Variants in ST3GAL3 observed in about 807,000 individuals in gnomAD.
ST3GAL3 encodes CMP-N-acetylneuraminate-beta-1,4-galactoside alpha-2,3-sialyltransferase.
In ST3GAL3, 21 loss-of-function variants were observed where a neutral mutation model predicts 50.1. That is an observed-to-expected ratio of 0.42 (90% CI 0.30 to 0.60). The LOEUF (loss-of-function observed/expected upper bound fraction) is 0.60. Among genes scored for constraint, ST3GAL3 ranks in the 20% least tolerant of loss-of-function variants. The pLI, the probability that ST3GAL3 is intolerant of heterozygous loss-of-function variation, is 0.19. For synonymous variants in ST3GAL3, 183 were observed against 190.0 expected (o/e 0.96, Z 0.30); for missense variants, 353 against 489.4 (o/e 0.72, Z 2.63).
At chr1:43,823,249 GCTCCCCATTT>G (rs2062337761) in intron 4 of ST3GAL3, among the ~76,000 whole-genome samples, 1 of 151,820 alleles carries the variant, frequency 6.6e-6, no homozygotes, top group African/African-American at 2.4e-5. Flanking sequence ...CTCCCCAATG[GCTCCCCATTT>G]CTTGTAGAAT....
chr1:43,872,344 C>T (rs573825986), intron 5 of ST3GAL3, among the ~76,000 whole-genome samples: 11 of 95,564 alleles, frequency 1.2e-4, no homozygotes, highest in African/African-American at 3.0e-4. Context: ...AGGGTGTGAG[C>T]GAGACGGGGT....
At chr1:43,892,350 C>T (rs756666871) in intron 5 of ST3GAL3, among the ~76,000 whole-genome samples, 25 of 152,172 alleles carry the variant, frequency 1.6e-4, no homozygotes, top group African/African-American at 5.5e-4. Flanking sequence ...CTCAACCCCC[C>T]GAGCTCAAGT....
chr1:43,790,780 C>G (rs1006457804), intron 2 of ST3GAL3, among the ~76,000 whole-genome samples: 3 of 151,598 alleles, frequency 2.0e-5, no homozygotes, highest in Non-Finnish European at 2.9e-5. Flanking sequence ...TACAGGCACG[C>G]GTACCACGCC....
intron 5 of ST3GAL3, among the ~76,000 whole-genome samples, chr1:43,861,885 G>A (rs192634744): frequency 3.3e-5 from 5 of 152,230 alleles, no homozygotes; most frequent in South Asian, 2.1e-4. Flanking sequence ...AAAATTAGCC[G>A]GGCGTGTTGG....
chr1:43,731,479 G>A (rs1354461484), intron 1 of ST3GAL3, among the ~76,000 whole-genome samples: 3 of 150,346 alleles, frequency 2.0e-5, no homozygotes, highest in Non-Finnish European at 4.4e-5. Flanking sequence ...CCACCTCCCG[G>A]GTTCACGCCA....
At chr1:43,789,901 T>A (rs1361971290) in intron 2 of ST3GAL3, among the ~76,000 whole-genome samples, 3 of 151,624 alleles carry the variant, frequency 2.0e-5, no homozygotes, top group African/African-American at 7.3e-5. Context: ...GTAGAATTTA[T>A]AAGAGTTAGA....
At chr1:43,906,405 A>C (rs1247277891) in intron 9 of ST3GAL3, among the ~76,000 whole-genome samples, 454 of 39,014 alleles carry the variant, frequency 0.012, no homozygotes, top group Admixed American at 0.022. Flanking sequence ...CTTTTCTTCC[A>C]CCTCCTCCTG....
chr1:43,748,151 A>G lies in ST3GAL3; in HGVS notation c.118+11771A>G, dbSNP rs75426648. Among the ~76,000 whole-genome samples the G allele has an allele frequency of 5.3e-3, 806 of 152,280 alleles. 16 individuals are homozygous for G. The highest frequency in any genetic ancestry group is 0.018 in the African/African-American group (749 of 41,544). On this transcript the variant is annotated intron_variant, in intron 2 of 11. Transcript: ENST00000347631. ...AAATATATATTTCTTACTATATAAC[A>G]ATATCACACAATATATAAAACTCAG...
chr1:43,726,310 A>G (rs2154078351), intron 1 of ST3GAL3, among the ~76,000 whole-genome samples: 1 of 152,290 alleles, frequency 6.6e-6, no homozygotes, highest in South Asian at 2.1e-4. Flanking sequence ...TATAAGAGAT[A>G]GGGTCTTGCT....
chr1:43,883,011 G>C (rs2075407507), intron 5 of ST3GAL3, among the ~76,000 whole-genome samples: 2 of 151,122 alleles, frequency 1.3e-5, no homozygotes, highest in Admixed American at 6.6e-5. Context: ...GCCCAGGCTG[G>C]AGTGCAGTGG....
chr1:43,875,566 TC>T (rs2073897718), intron 5 of ST3GAL3, among the ~76,000 whole-genome samples: 2 of 152,118 alleles, frequency 1.3e-5, no homozygotes, highest in South Asian at 2.1e-4. Flanking sequence ...ATGGGGGGTT[TC>T]CCCCATGCTG....
chr1:43,742,933 A>G (rs1022264910), intron 2 of ST3GAL3, among the ~76,000 whole-genome samples: 1 of 152,124 alleles, frequency 6.6e-6, no homozygotes, highest in Non-Finnish European at 1.5e-5. Flanking sequence ...CCCTGTCTCT[A>G]CTAAAAATAC....
At chr1:43,709,549 A>C (rs902830791) in intron 1 of ST3GAL3, 1 of 152,082 alleles carries the variant, frequency 6.6e-6, no homozygotes, top group East Asian at 1.9e-4. Context: ...GAGAATTAAA[A>C]AAAATTTTTT....
intron 2 of ST3GAL3, among the ~76,000 whole-genome samples, chr1:43,778,194 G>T (rs1003838530): frequency 6.6e-6 from 1 of 152,138 alleles, no homozygotes; most frequent in Admixed American, 6.5e-5. Flanking sequence ...ACCAAAAACC[G>T]TATGTTCTCA....
intron 4 of ST3GAL3, among the ~76,000 whole-genome samples, chr1:43,816,303 G>C (rs895153570): frequency 2.0e-5 from 3 of 152,098 alleles, no homozygotes; most frequent in Non-Finnish European, 4.4e-5. Context: ...CTTGGCTCTG[G>C]TGCCTCATAC....
chr1:43,915,297 G>A (rs1179126192), intron 9 of ST3GAL3, among the ~76,000 whole-genome samples: 2 of 152,202 alleles, frequency 1.3e-5, no homozygotes, highest in African/African-American at 2.4e-5. Flanking sequence ...GCTGTGCCAC[G>A]CCCTGGGCTA....
intron 4 of ST3GAL3, among the ~76,000 whole-genome samples, chr1:43,820,517 G>A (rs1573619895): frequency 1.3e-5 from 2 of 152,092 alleles, no homozygotes; most frequent in Admixed American, 1.3e-4. Context: ...TACACAGACA[G>A]CCTACAGAAT....
At position 43,708,921 on chromosome 1, in the gene ST3GAL3, A is replaced by C. The variant is rs1570963116; in HGVS notation, c.-31+1228A>C. 4.6e-5 allele frequency among the ~76,000 whole-genome samples: 7 copies of C among 152,398 alleles called. No individual in the cohort carries two copies. In the South Asian group the frequency reaches 1.2e-3, roughly 27 times the overall value. ...GGGAAACTCAAAACCATTTAAGATA[A>C]GAAACTTGCTCTAATGGGCCTATAA... On this transcript the variant is annotated intron_variant, in intron 1 of 11. Transcript: ENST00000347631.
At chr1:43,837,617 C>G (rs781607032) in intron 4 of ST3GAL3, among the ~76,000 whole-genome samples, 1 of 152,182 alleles carries the variant, frequency 6.6e-6, no homozygotes, top group South Asian at 2.1e-4. Flanking sequence ...ACCACTCCCC[C>G]GGGTATTGGA....
Sources: gnomAD v4.1 joint callset for allele counts (sites outside exome capture counted in the v4.1 genomes callset) on GRCh38, gnomAD v4.1.1 for gene constraint, MANE v1.5 for transcripts, NCBI Gene and HGNC (gene_info 2026-07-23, HGNC 2026-07-21) for gene names.